LRFN5: variants seen among roughly 807,000 people sequenced by gnomAD.
LRFN5 encodes leucine-rich repeat and fibronectin type-III domain-containing protein 5.
A neutral mutation model predicts 45.6 loss-of-function variants in LRFN5; 24 were observed. The observed-to-expected ratio is 0.53, with a 90% CI of 0.38 to 0.74. The LOEUF (loss-of-function observed/expected upper bound fraction) is 0.74. LRFN5 is among the 30% of genes least tolerant of loss of function. The pLI is 0.00. For missense variants in LRFN5, 776 were observed against 861.5 expected (o/e 0.90, Z 1.24); for synonymous variants, 340 against 313.8 (o/e 1.08, Z -0.88).
At chr14:41,888,926 T>C (rs1890674938) in intron 3 of LRFN5, among the ~76,000 whole-genome samples, 1 of 151,580 alleles carries the variant, frequency 6.6e-6, no homozygotes, top group Admixed American at 6.6e-5. Flanking sequence ...CCCTAGGAAA[T>C]GATGCAAAAC....
At chr14:41,693,744 T>G (rs1882479638) in intron 1 of LRFN5, among the ~76,000 whole-genome samples, 1 of 152,050 alleles carries the variant, frequency 6.6e-6, no homozygotes, top group Non-Finnish European at 1.5e-5. Flanking sequence ...TCTTCTTTTC[T>G]GATCTTTATA....
chr14:41,669,772 A>G (rs562836078), intron 1 of LRFN5, among the ~76,000 whole-genome samples: 1 of 152,094 alleles, frequency 6.6e-6, no homozygotes, highest in Non-Finnish European at 1.5e-5. Flanking sequence ...TTCACTTAAC[A>G]TTATTTTAAT....
chr14:41,750,267 T>TTATATATATATATA (rs60275061), intron 1 of LRFN5, among the ~76,000 whole-genome samples: 3 of 144,384 alleles, frequency 2.1e-5, no homozygotes, highest in African/African-American at 5.0e-5. Context: ...GTAACTTTTC[T>TTATATATATATATA]TATATATATA....
intron 1 of LRFN5, among the ~76,000 whole-genome samples, chr14:41,670,011 A>G (rs964060693): frequency 6.7e-6 from 1 of 150,074 alleles, no homozygotes; most frequent in African/African-American, 2.4e-5. Context: ...AAAATTTGCT[A>G]TGCAGTATAT....
chr14:41,691,539 A>T (rs1242927319), intron 1 of LRFN5, among the ~76,000 whole-genome samples: 1 of 152,084 alleles, frequency 6.6e-6, no homozygotes, highest in Non-Finnish European at 1.5e-5. Flanking sequence ...TGTTTATGTT[A>T]TTGGTGCAAT....
At chr14:41,734,249 T>A in intron 1 of LRFN5, among the ~76,000 whole-genome samples, 2 of 136,490 alleles carry the variant, frequency 1.5e-5, no homozygotes, top group Non-Finnish European at 3.1e-5. Flanking sequence ...TGACCTCAGG[T>A]GATCTGCCAC....
chr14:41,785,498 A>C (rs1175971571), intron 2 of LRFN5, among the ~76,000 whole-genome samples: 1 of 151,946 alleles, frequency 6.6e-6, no homozygotes, highest in South Asian at 2.1e-4. Flanking sequence ...CCTTTAAATG[A>C]TACTATACTA....
intron 2 of LRFN5, among the ~76,000 whole-genome samples, chr14:41,819,579 A>G (rs1339676544): frequency 6.6e-6 from 1 of 152,130 alleles, no homozygotes; most frequent in African/African-American, 2.4e-5. Context: ...GAAGCATGGC[A>G]TCATCTTCTG....
intron 2 of LRFN5, among the ~76,000 whole-genome samples, chr14:41,809,260 T>G (rs1449769914): frequency 1.3e-5 from 2 of 152,122 alleles, no homozygotes; most frequent in African/African-American, 4.8e-5. Flanking sequence ...GGAATAAAAA[T>G]GAGTCTAGTG....
At chr14:41,825,488 C>T (rs981682786) in intron 2 of LRFN5, among the ~76,000 whole-genome samples, 7 of 152,140 alleles carry the variant, frequency 4.6e-5, no homozygotes, top group African/African-American at 1.7e-4. Context: ...TCCTTTGTCC[C>T]GAGGGGCATT....
In LRFN5 at chr14:41,649,093, G is replaced by T. The variant is rs1457037168; in HGVS notation, c.-197+40531G>T. Among the ~76,000 whole-genome samples the T allele has an allele frequency of 2.6e-5, 4 of 152,048 alleles. No homozygotes were observed. The South Asian group carries it at 6.2e-4, about 24-fold the overall frequency. On this transcript the variant is annotated intron_variant, in intron 1 of 5. Coordinates refer to ENST00000298119, the MANE Select transcript of LRFN5 (RefSeq NM_152447.5). ...CTAAAAAAATACAAAAATTAGTTGGGCGTTGTGGCGGGCGCCTGTCATCCC... is the reference window on the plus strand; with the variant it reads ...CTAAAAAAATACAAAAATTAGTTGGTCGTTGTGGCGGGCGCCTGTCATCCC...
chr14:41,627,269 A>G (rs1888365865), intron 1 of LRFN5, among the ~76,000 whole-genome samples: 1 of 152,122 alleles, frequency 6.6e-6, no homozygotes, highest in Non-Finnish European at 1.5e-5. Context: ...ATTATCCCTA[A>G]AAGGAACTCC....
chr14:41,851,887 T>C (rs901997159), intron 2 of LRFN5, among the ~76,000 whole-genome samples: 1 of 151,642 alleles, frequency 6.6e-6, no homozygotes, highest in African/African-American at 2.4e-5. Flanking sequence ...AATCAGAAAT[T>C]AGGCCGTTTT....
At chr14:41,623,336 A>G (rs998571246) in intron 1 of LRFN5, among the ~76,000 whole-genome samples, 1 of 152,106 alleles carries the variant, frequency 6.6e-6, no homozygotes, top group Non-Finnish European at 1.5e-5. Context: ...ACTTTCCACC[A>G]TGATGGTAAG....
chr14:41,797,542 C>A (rs946780645), intron 2 of LRFN5, among the ~76,000 whole-genome samples: 2 of 151,390 alleles, frequency 1.3e-5, no homozygotes, highest in African/African-American at 4.8e-5. Context: ...CTTTTTCTTT[C>A]TTTCTTAAAG....
At chr14:41,815,870 A>G (rs1028029978) in intron 2 of LRFN5, among the ~76,000 whole-genome samples, 15 of 152,148 alleles carry the variant, frequency 9.9e-5, no homozygotes, top group Admixed American at 2.0e-4. Flanking sequence ...TAATGGTTAC[A>G]TGTAGATCAT....
intron 1 of LRFN5, among the ~76,000 whole-genome samples, chr14:41,718,797 T>G (rs1467254054): frequency 6.6e-6 from 1 of 152,204 alleles, no homozygotes; most frequent in Non-Finnish European, 1.5e-5. Flanking sequence ...TTAAACACTT[T>G]AGTGATTGAC....
intron 2 of LRFN5, among the ~76,000 whole-genome samples, chr14:41,870,871 T>A (rs1472008910): frequency 6.6e-6 from 1 of 152,180 alleles, no homozygotes; most frequent in African/African-American, 2.4e-5. Context: ...TATGCCAACA[T>A]ACATTGTAGC....
intron 2 of LRFN5, among the ~76,000 whole-genome samples, chr14:41,837,627 G>A (rs930247039): frequency 6.6e-6 from 1 of 152,096 alleles, no homozygotes; most frequent in Admixed American, 6.6e-5. Context: ...GTATAAAGAT[G>A]GAGAAGGTAG....
Sources: gnomAD v4.1 joint callset for allele counts (sites outside exome capture counted in the v4.1 genomes callset) on GRCh38, gnomAD v4.1.1 for gene constraint, MANE v1.5 for transcripts, NCBI Gene and HGNC (gene_info 2026-07-23, HGNC 2026-07-21) for gene names.